The following SLC13A4 variants were observed in gnomAD, a reference collection of about 807,000 sequenced individuals.
SLC13A4 encodes the protein Na(+)/sulfate cotransporter SUT-1.
In SLC13A4, 28 loss-of-function variants were observed where a neutral mutation model predicts 72.7. The ratio of observed to expected loss-of-function variants is 0.39; its 90% CI spans 0.29 to 0.53. The LOEUF is 0.53. Among genes scored for constraint, SLC13A4 ranks in the 20% least tolerant of loss-of-function variants. SLC13A4 has a pLI of 0.78. For missense variants in SLC13A4, 653 were observed against 788.0 expected, an observed-to-expected ratio of 0.83 and a Z score of 2.05; for synonymous variants, 312 against 325.5, an observed-to-expected ratio of 0.96 and a Z score of 0.45.
At chr7:135,722,173 G>T (rs187397538) in intron 1 of SLC13A4, among the ~76,000 whole-genome samples, 2 of 152,316 alleles carry the variant, frequency 1.3e-5, no homozygotes, top group South Asian at 2.1e-4. Context: ...GAGCCCAGGG[G>T]CTTCAGGCTG....
At chr7:135,708,454 G>A (rs1293592232) in intron 2 of SLC13A4, among the ~76,000 whole-genome samples, 1 of 152,196 alleles carries the variant, frequency 6.6e-6, no homozygotes, top group Admixed American at 6.5e-5. Flanking sequence ...CAGGCACTGT[G>A]CTAAGTACTT....
intron 1 of SLC13A4, 134 bp downstream of exon 1, chr7:135,727,264 A>T: frequency 2.6e-6 from 3 of 1,168,842 alleles, no homozygotes; most frequent in Non-Finnish European, 3.5e-6. Flanking sequence ...CTCTGGAAAA[A>T]TCCTTCCATT....
At position 135,695,307 on chromosome 7, in the gene SLC13A4, C is replaced by T. The variant is rs971552664; in HGVS notation, c.1019+61G>A. ...TGCACAGAGCCATCCAGGGCCCATG[C>T]CATGGCCTTTGGATCAACAGGGGGG... On this transcript the variant is annotated intron_variant, in intron 9 of 15. Transcript: ENST00000682651. 6.9e-6 allele frequency: 11 copies of T among 1,605,514 alleles called. No individual in the cohort carries two copies. In the African/African-American group the frequency reaches 1.5e-4, roughly 21 times the overall value.
intron 13 of SLC13A4, among the ~76,000 whole-genome samples, chr7:135,687,561 CT>C (rs1795661634): frequency 6.6e-6 from 1 of 152,136 alleles, no homozygotes; most frequent in South Asian, 2.1e-4. Context: ...ACTTTTCTTC[CT>C]TTTTTTCCTC....
Position 135,727,434 on chromosome 7 carries a change from G to C in SLC13A4, c.63C>G (p.Leu21=). ...RKLLLVVCVP[L]LLLPLPVLHP... is the part of the protein sequence containing the mutation. Reference sequence around the variant, plus strand: ...GGAGGACGGGCAGAGGCAGCAGCAGGAGCGGGACGCAGACGACCAGCAGCA... The same window carrying C: ...GGAGGACGGGCAGAGGCAGCAGCAGCAGCGGGACGCAGACGACCAGCAGCA... Residue 21 remains leucine (L), a synonymous_variant, in exon 1 of 16, where the codon CTC becomes CTG. Coordinates refer to ENST00000682651, the MANE Select transcript of SLC13A4 (RefSeq NM_001318192.2). 1 of 1,550,026 alleles carries C rather than the reference G, an allele frequency of 6.5e-7. No individual in the cohort carries two copies. The highest frequency in any genetic ancestry group is 8.7e-7 in the Non-Finnish European group (1 of 1,146,920).
At chr7:135,689,338 A>C (rs1363673154) in intron 13 of SLC13A4, among the ~76,000 whole-genome samples, 1 of 152,248 alleles carries the variant, frequency 6.6e-6, no homozygotes, top group Non-Finnish European at 1.5e-5. Flanking sequence ...AAGGTCCAGT[A>C]ATGATGAACA....
At chr7:135,722,485 CA>C (rs1248200784) in intron 1 of SLC13A4, among the ~76,000 whole-genome samples, 2 of 151,834 alleles carry the variant, frequency 1.3e-5, no homozygotes, top group African/African-American at 2.4e-5. Flanking sequence ...AAGAATATAC[CA>C]GGGGGATCAG....
chr7:135,687,490 A>G (rs975536099), intron 13 of SLC13A4, among the ~76,000 whole-genome samples: 1 of 152,232 alleles, frequency 6.6e-6, no homozygotes, highest in East Asian at 1.9e-4. Flanking sequence ...GCAAGCTCAT[A>G]GACAACTGAG....
At position 135,727,746 on chromosome 7, in the gene SLC13A4, G is replaced by A. The variant is rs934564553; in HGVS notation, c.-250C>T. 5 of 456,944 alleles carry A rather than the reference G, an allele frequency of 1.1e-5. No individual in the cohort carries two copies. The East Asian group carries it at 1.7e-4, about 15-fold the overall frequency. 28.3% of individuals were successfully genotyped at this position (456,944 alleles called of 1,614,324 possible). Reference sequence around the variant, plus strand: ...TTTGTGACCAGCAAAAAGGAACTGGGAAAGGATGATAAACGGGGGCATAGT... The same window carrying A: ...TTTGTGACCAGCAAAAAGGAACTGGAAAAGGATGATAAACGGGGGCATAGT... On this transcript the variant is annotated 5_prime_UTR_variant, in exon 1 of 16. Transcript: ENST00000682651.
chr7:135,722,650 T>G (rs1264917311), intron 1 of SLC13A4, among the ~76,000 whole-genome samples: 2 of 152,198 alleles, frequency 1.3e-5, no homozygotes, highest in Non-Finnish European at 2.9e-5. Context: ...TCCCCCTGTT[T>G]TAGACTATTT....
intron 2 of SLC13A4, among the ~76,000 whole-genome samples, chr7:135,710,221 T>C (rs1048116218): frequency 4.6e-5 from 7 of 152,090 alleles, no homozygotes; most frequent in Admixed American, 4.6e-4. Context: ...ATGTACATGA[T>C]CATACTAATT....
rs758150576 is a variant in SLC13A4 at position 135,687,978 on chromosome 7, AT to A, written c.1447-2296del. The stretch of plus-strand genomic sequence containing the variant: ...GGCATGTGCCACCATCCCCGGCTAA[AT>A]TTTTTTTTTTTTTTGAGAGGAAGTC... On this transcript the variant is annotated intron_variant, in intron 13 of 15. Transcript: ENST00000682651. 4.2e-3 allele frequency among the ~76,000 whole-genome samples: 560 copies of A among 134,344 alleles called. 1 individual carries two copies. Among genetic ancestry groups the A allele is most frequent in the South Asian group, 5.1e-3 (21 of 4,154 alleles). The allele number at this position is 134,344 out of a possible 152,430, so 88.1% of individuals were successfully genotyped here.
chr7:135,711,243 C>T (rs927693955), intron 2 of SLC13A4, among the ~76,000 whole-genome samples: 2 of 152,126 alleles, frequency 1.3e-5, no homozygotes, highest in Non-Finnish European at 2.9e-5. Flanking sequence ...CACAGCCCTG[C>T]GAAGCTTTTC....
chr7:135,689,290 A>G (rs541636661), intron 13 of SLC13A4, among the ~76,000 whole-genome samples: 202 of 152,324 alleles, frequency 1.3e-3, no homozygotes, highest in African/African-American at 4.7e-3. Context: ...CCGAACTTGG[A>G]ATGAGAAATA....
chr7:135,688,280 G>T (rs187918620), intron 13 of SLC13A4, among the ~76,000 whole-genome samples: 1 of 149,698 alleles, frequency 6.7e-6, no homozygotes, highest in East Asian at 2.0e-4. Flanking sequence ...CCAGTCCCTG[G>T]AGTTTTGCTT....
intron 1 of SLC13A4, among the ~76,000 whole-genome samples, chr7:135,725,920 G>A (rs564934699): frequency 6.6e-6 from 1 of 152,152 alleles, no homozygotes; most frequent in African/African-American, 2.4e-5. Context: ...AGTGAGCTAC[G>A]ATTGTGCCAC....
intron 3 of SLC13A4, among the ~76,000 whole-genome samples, chr7:135,706,529 C>G (rs1796166132): frequency 6.6e-6 from 1 of 152,200 alleles, no homozygotes; most frequent in South Asian, 2.1e-4. Context: ...GGACTAGCGG[C>G]CTTAGCCAGA....
At chr7:135,720,280 C>A (rs1278307434) in intron 2 of SLC13A4, among the ~76,000 whole-genome samples, 1 of 152,104 alleles carries the variant, frequency 6.6e-6, no homozygotes. Context: ...CAAGTGTATA[C>A]ACTTTGAATT....
At chr7:135,686,549 T>C (rs1303406423) in intron 13 of SLC13A4, among the ~76,000 whole-genome samples, 14 of 152,120 alleles carry the variant, frequency 9.2e-5, no homozygotes, top group Admixed American at 7.9e-4. Flanking sequence ...CTCTTTTTAT[T>C]TGTAGAGACA....
Sources: gnomAD v4.1 joint callset for allele counts (sites outside exome capture counted in the v4.1 genomes callset) on GRCh38, gnomAD v4.1.1 for gene constraint, MANE v1.5 for transcripts, NCBI Gene and HGNC (gene_info 2026-07-23, HGNC 2026-07-21) for gene names.